ADAMTS3: variants seen among roughly 807,000 people sequenced by gnomAD.
ADAMTS3 encodes ADAM metallopeptidase with thrombospondin type 1 motif 3.
ADAMTS3 carries 73 observed loss-of-function variants against 129.0 expected under a neutral mutation model. The observed-to-expected ratio is 0.57, with a 90% CI of 0.47 to 0.69. ADAMTS3 has a LOEUF of 0.69. ADAMTS3 is among the 30% of genes least tolerant of loss of function. The pLI is 0.00. For missense variants in ADAMTS3, 1,457 were observed against 1,514.5 expected, an observed-to-expected ratio of 0.96 and a Z score of 0.63; for synonymous variants, 477 against 510.8, an observed-to-expected ratio of 0.93 and a Z score of 0.89.
intron 3 of ADAMTS3, among the ~76,000 whole-genome samples, chr4:72,424,557 T>C (rs1393495877): frequency 6.6e-6 from 1 of 152,102 alleles, no homozygotes; most frequent in Admixed American, 6.6e-5. Flanking sequence ...TCAACTATAC[T>C]AAAATGCTAA....
In ADAMTS3 at chr4:72,515,999, G is replaced by A. The variant is rs191163554; in HGVS notation, c.504+32479C>T. Among the ~76,000 whole-genome samples the A allele has an allele frequency of 5.7e-3, 873 of 152,236 alleles. 2 individuals are homozygous for A. The highest frequency in any genetic ancestry group is 0.02 in the African/African-American group (839 of 41,544). On this transcript the variant is annotated intron_variant, in intron 3 of 21. Transcript: ENST00000286657. Reference sequence around the variant, plus strand: ...AACATGTAAATCTTTAATCCATCTTGAATTAATTTTTGTATAAGGTGTAAG... The same window carrying A: ...AACATGTAAATCTTTAATCCATCTTAAATTAATTTTTGTATAAGGTGTAAG...
At chr4:72,427,632 C>A (rs959907583) in intron 3 of ADAMTS3, among the ~76,000 whole-genome samples, 1 of 151,658 alleles carries the variant, frequency 6.6e-6, no homozygotes, top group African/African-American at 2.4e-5. Flanking sequence ...AGGAAAAAAA[C>A]AGAGACAAAA....
chr4:72,331,659 C>T (rs987465627), intron 5 of ADAMTS3, among the ~76,000 whole-genome samples: 1 of 152,140 alleles, frequency 6.6e-6, no homozygotes, highest in Admixed American at 6.5e-5. Context: ...GCAGACCAAT[C>T]TAGAGTGTCT....
At chr4:72,533,613 G>A (rs1721102765) in intron 3 of ADAMTS3, among the ~76,000 whole-genome samples, 1 of 151,798 alleles carries the variant, frequency 6.6e-6, no homozygotes, top group Admixed American at 6.6e-5. Context: ...ATGCACATAT[G>A]TATATATACA....
chr4:72,471,026 G>T (rs547511100), intron 3 of ADAMTS3, among the ~76,000 whole-genome samples: 2 of 152,218 alleles, frequency 1.3e-5, no homozygotes. Context: ...TGAGTCGAAT[G>T]AGCCGTTTTT....
intron 10 of ADAMTS3, among the ~76,000 whole-genome samples, chr4:72,317,881 T>C (rs1279730548): frequency 6.6e-6 from 1 of 151,884 alleles, no homozygotes; most frequent in Admixed American, 6.6e-5. Flanking sequence ...ACAAAAAAAT[T>C]AGCTGGCGGT....
At chr4:72,306,303 A>G (rs902055069) in intron 15 of ADAMTS3, among the ~76,000 whole-genome samples, 7 of 152,006 alleles carry the variant, frequency 4.6e-5, no homozygotes, top group Non-Finnish European at 1.0e-4. Flanking sequence ...CTTGTTACCA[A>G]CGTATTAGTC....
intron 2 of ADAMTS3, among the ~76,000 whole-genome samples, chr4:72,550,102 A>G (rs1279860255): frequency 1.5e-5 from 2 of 136,638 alleles, no homozygotes; most frequent in Admixed American, 7.3e-5. Context: ...AAGAAGAAGA[A>G]GAAGAAGAAG....
intron 14 of ADAMTS3, 50 bp from the exon 15 acceptor site, chr4:72,309,570 G>T (rs1330195398): frequency 1.3e-6 from 2 of 1,588,600 alleles, no homozygotes; most frequent in Non-Finnish European, 1.7e-6. Flanking sequence ...GCCCAGTAGT[G>T]GTCAACATCC....
chr4:72,333,091 G>A (rs1719892670), intron 5 of ADAMTS3, among the ~76,000 whole-genome samples: 1 of 152,086 alleles, frequency 6.6e-6, no homozygotes, highest in South Asian at 2.1e-4. Flanking sequence ...TTTGTAAACT[G>A]GGACTAAGGC....
intron 5 of ADAMTS3, among the ~76,000 whole-genome samples, chr4:72,335,938 T>C (rs554820020): frequency 6.6e-6 from 1 of 152,304 alleles, no homozygotes; most frequent in Admixed American, 6.5e-5. Context: ...ACACTTAATA[T>C]ACGAGCTCTT....
Position 72,522,699 on chromosome 4 carries a change from T to C in ADAMTS3, c.504+25779A>G, listed in dbSNP as rs544006759. ...CACAGTTTCTGTTCTATTCAATCAC[T>C]ACACCTTGTATAACAGCTTTATACA... On this transcript the variant is annotated intron_variant, in intron 3 of 21. Coordinates refer to ENST00000286657, the MANE Select transcript of ADAMTS3 (RefSeq NM_014243.3). Among the ~76,000 whole-genome samples, 3 of 152,268 alleles carry C rather than the reference T, an allele frequency of 2.0e-5. No homozygotes were observed. The South Asian group carries it at 6.2e-4, about 32-fold the overall frequency.
intron 2 of ADAMTS3, among the ~76,000 whole-genome samples, chr4:72,555,804 C>T (rs2623539): frequency 0.96 from 145,815 of 151,348 alleles, 70,631 homozygotes; most frequent in East Asian, 1. Flanking sequence ...TTGGTGTTCT[C>T]GTGATAGTGA....
intron 4 of ADAMTS3, among the ~76,000 whole-genome samples, chr4:72,348,882 A>G (rs926433596): frequency 1.1e-4 from 16 of 151,798 alleles, no homozygotes; most frequent in Non-Finnish European, 2.2e-4. Flanking sequence ...CAACAACCTG[A>G]ATGAGCCTGG....
At chr4:72,401,404 T>C (rs951025817) in intron 4 of ADAMTS3, among the ~76,000 whole-genome samples, 18 of 150,912 alleles carry the variant, frequency 1.2e-4, no homozygotes, top group South Asian at 6.3e-4. Flanking sequence ...CCGTCTCTAC[T>C]AAAAATACAA....
chr4:72,497,750 G>A (rs1200485847), intron 3 of ADAMTS3, among the ~76,000 whole-genome samples: 3 of 151,366 alleles, frequency 2.0e-5, no homozygotes, highest in Admixed American at 1.3e-4. Flanking sequence ...ATTATCATCA[G>A]AAAAAAAGTC....
At chr4:72,518,243 A>T (rs1406300453) in intron 3 of ADAMTS3, among the ~76,000 whole-genome samples, 2 of 151,606 alleles carry the variant, frequency 1.3e-5, no homozygotes, top group South Asian at 2.1e-4. Flanking sequence ...TGCTGAGGAG[A>T]CCTTTACTTC....
chr4:72,407,236 C>A (rs796633827), intron 4 of ADAMTS3, among the ~76,000 whole-genome samples: 1 of 151,774 alleles, frequency 6.6e-6, no homozygotes, highest in Non-Finnish European at 1.5e-5. Context: ...CTGGCTTTCC[C>A]TATATGTTAT....
In ADAMTS3 at chr4:72,353,307, G is replaced by A. The variant is rs1164002466; in HGVS notation, c.662-13614C>T. Among the ~76,000 whole-genome samples the A allele has an allele frequency of 4.6e-5, 7 of 151,964 alleles. No homozygotes were observed. The South Asian group carries it at 8.3e-4, about 18-fold the overall frequency. On this transcript the variant is annotated intron_variant, in intron 4 of 21. Coordinates refer to ENST00000286657, the MANE Select transcript of ADAMTS3 (RefSeq NM_014243.3). ...AGAAGTTGGAACTATAGTACCCAAT[G>A]TGCTTGTAGTTAGAATTCCACATGA...
Sources: gnomAD v4.1 joint callset for allele counts (sites outside exome capture counted in the v4.1 genomes callset) on GRCh38, gnomAD v4.1.1 for gene constraint, MANE v1.5 for transcripts, NCBI Gene and HGNC (gene_info 2026-07-23, HGNC 2026-07-21) for gene names.